SETBP1: variants seen among roughly 807,000 people sequenced by gnomAD.
The protein encoded by SETBP1 is SET binding protein 1.
Under a neutral mutation model 101.0 loss-of-function variants are expected in SETBP1, and 9 were observed. The observed-to-expected ratio is 0.09, with a 90% CI of 0.05 to 0.16. The LOEUF (loss-of-function observed/expected upper bound fraction) is 0.16, where lower values mean the gene tolerates loss of function less well. Among genes scored for constraint, SETBP1 ranks in the 10% least tolerant of loss-of-function variants. The pLI is 1.00. For synonymous variants in SETBP1, 818 were observed against 788.5 expected, an observed-to-expected ratio of 1.04 and a Z score of -0.63; for missense variants, 1,858 against 2,033.8, an observed-to-expected ratio of 0.91 and a Z score of 1.66.
chr18:44,989,826 G>A (rs569885693), intron 4 of SETBP1, among the ~76,000 whole-genome samples: 18 of 114,178 alleles, frequency 1.6e-4, no homozygotes, highest in Middle Eastern at 8.8e-3. Flanking sequence ...CCGAGATCCC[G>A]CCACTGCACT....
chr18:44,956,275 A>G (rs1423237671), intron 4 of SETBP1, among the ~76,000 whole-genome samples: 1 of 152,090 alleles, frequency 6.6e-6, no homozygotes, highest in Admixed American at 6.6e-5. Flanking sequence ...CATGAGAGAA[A>G]AATATCTTTA....
chr18:44,907,805 C>T (rs1288366263), intron 3 of SETBP1, among the ~76,000 whole-genome samples: 1 of 152,120 alleles, frequency 6.6e-6, no homozygotes, highest in Non-Finnish European at 1.5e-5. Context: ...GGTGTCTTTT[C>T]ACTTTCATGC....
At chr18:44,889,635 T>A (rs970261214) in intron 3 of SETBP1, among the ~76,000 whole-genome samples, 1 of 152,160 alleles carries the variant, frequency 6.6e-6, no homozygotes, top group African/African-American at 2.4e-5. Context: ...AATTGTTGCA[T>A]TCTGCTGCAG....
At chr18:44,962,230 GTC>G (rs2071627258) in intron 4 of SETBP1, among the ~76,000 whole-genome samples, 2 of 152,238 alleles carry the variant, frequency 1.3e-5, no homozygotes, top group African/African-American at 4.8e-5. Context: ...GAAAGACAAA[GTC>G]TTGCGGCAGA....
intron 1 of SETBP1, among the ~76,000 whole-genome samples, chr18:44,685,028 G>A (rs1188273269): frequency 6.6e-6 from 1 of 152,092 alleles, no homozygotes; most frequent in Admixed American, 6.5e-5. Flanking sequence ...ATGATACCAG[G>A]TAAAGAATGT....
chr18:44,958,375 C>A (rs1306498986), intron 4 of SETBP1, among the ~76,000 whole-genome samples: 1 of 152,202 alleles, frequency 6.6e-6, no homozygotes, highest in African/African-American at 2.4e-5. Context: ...AAAGGTAGAA[C>A]TCCTAGTGCT....
chr18:45,014,305 G>A (rs2072899426), intron 4 of SETBP1, among the ~76,000 whole-genome samples: 1 of 152,174 alleles, frequency 6.6e-6, no homozygotes, highest in Non-Finnish European at 1.5e-5. Flanking sequence ...TAGTTTGTGG[G>A]CCACAGACTT....
chr18:44,771,461 A>G (rs1290669087), intron 2 of SETBP1, among the ~76,000 whole-genome samples: 2 of 151,990 alleles, frequency 1.3e-5, no homozygotes, highest in Non-Finnish European at 2.9e-5. Flanking sequence ...CAGAGAGCTC[A>G]TCCAAAAGAC....
At chr18:44,793,922 A>G (rs1209324947) in intron 2 of SETBP1, among the ~76,000 whole-genome samples, 1 of 152,224 alleles carries the variant, frequency 6.6e-6, no homozygotes, top group Non-Finnish European at 1.5e-5. Context: ...TTAGTTCATG[A>G]TATACTTACA....
intron 4 of SETBP1, among the ~76,000 whole-genome samples, chr18:44,954,357 G>C (rs974997481): frequency 3.2e-5 from 4 of 126,876 alleles, no homozygotes; most frequent in African/African-American, 3.3e-5. Context: ...AAAAAAAACA[G>C]TTCTTGTGTT....
At chr18:45,018,712 G>T (rs747866910) in intron 4 of SETBP1, among the ~76,000 whole-genome samples, 1 of 152,144 alleles carries the variant, frequency 6.6e-6, no homozygotes, top group South Asian at 2.1e-4. Flanking sequence ...GGGATCTAAG[G>T]CTTAAGTTAA....
rs111719976 is a variant in SETBP1 at position 44,914,206 on chromosome 18, C to T, written c.541-35675C>T. On this transcript the variant is annotated intron_variant, in intron 3 of 5. Transcript: ENST00000649279. Reference sequence around the variant, plus strand: ...ACAGGTGTCAACCCAAAGTAAACTGCAGTGTCGTGAGTTACCTGGGATGGG... The same window carrying T: ...ACAGGTGTCAACCCAAAGTAAACTGTAGTGTCGTGAGTTACCTGGGATGGG... Among the ~76,000 whole-genome samples, 222 of 152,280 alleles carry T rather than the reference C, an allele frequency of 1.5e-3. 1 individual carries two copies. Among genetic ancestry groups the T allele is most frequent in the African/African-American group, 3.5e-3 (144 of 41,552 alleles).
chr18:45,048,719 TC>T (rs1343928509), intron 5 of SETBP1, among the ~76,000 whole-genome samples: 2 of 151,868 alleles, frequency 1.3e-5, no homozygotes, highest in Non-Finnish European at 1.5e-5. Flanking sequence ...ACGCCTGTAA[TC>T]CCAGCACTTT....
chr18:44,746,553 A>G (rs905530640), intron 2 of SETBP1, among the ~76,000 whole-genome samples: 3 of 152,178 alleles, frequency 2.0e-5, no homozygotes, highest in African/African-American at 7.2e-5. Context: ...ATCAAATGTG[A>G]TATTTGGGGA....
chr18:44,742,584 A>T (rs1026076981), intron 2 of SETBP1, among the ~76,000 whole-genome samples: 2 of 152,236 alleles, frequency 1.3e-5, no homozygotes, highest in African/African-American at 4.8e-5. Flanking sequence ...ATGACAAAAG[A>T]ATCCCTACCA....
rs1481157194 is a variant in SETBP1, at chr18:44,968,432, A to T, written c.4000+15092A>T. On this transcript the variant is annotated intron_variant, in intron 4 of 5. Coordinates refer to ENST00000649279, the MANE Select transcript of SETBP1 (RefSeq NM_015559.3). Reference sequence around the variant, plus strand: ...AAAGGGAAGCTGGATAGTGGGCATGATCTGCTGTACTTCAGTGGTAAATTC... The same window carrying T: ...AAAGGGAAGCTGGATAGTGGGCATGTTCTGCTGTACTTCAGTGGTAAATTC... Among the ~76,000 whole-genome samples the T allele has an allele frequency of 2.6e-5, 4 of 152,312 alleles. 1 individual carries two copies. In the South Asian group the frequency reaches 8.3e-4, roughly 32 times the overall value.
chr18:44,738,449 T>G (rs905431255), intron 2 of SETBP1, among the ~76,000 whole-genome samples: 1 of 152,164 alleles, frequency 6.6e-6, no homozygotes, highest in East Asian at 1.9e-4. Context: ...AAGATGAGTG[T>G]TCACATTTTC....
In SETBP1 at chr18:45,063,712, G is replaced by A. The variant is rs755187107; in HGVS notation, c.*14G>A. The A allele has an allele frequency of 7.5e-6, 12 of 1,600,516 alleles. No homozygotes were observed. The Admixed American group carries it at 1.5e-4, about 20-fold the overall frequency. On this transcript the variant is annotated 3_prime_UTR_variant, in exon 6 of 6. Transcript: ENST00000649279. The stretch of plus-strand genomic sequence containing the variant: ...GTCCTTCCCTAGGGCGGGTCTGGGC[G>A]TCTGCACCTGGGGCCTAGGGAACTG...
At chr18:44,966,687 C>A (rs1041091741) in intron 4 of SETBP1, among the ~76,000 whole-genome samples, 4 of 152,190 alleles carry the variant, frequency 2.6e-5, no homozygotes, top group Admixed American at 6.5e-5. Flanking sequence ...CATTTCCTGA[C>A]TTATGCTTTA....
Sources: gnomAD v4.1 joint callset for allele counts (sites outside exome capture counted in the v4.1 genomes callset) on GRCh38, gnomAD v4.1.1 for gene constraint, MANE v1.5 for transcripts, NCBI Gene and HGNC (gene_info 2026-07-23, HGNC 2026-07-21) for gene names.